The following SLC22A23 variants were observed in gnomAD, a reference collection of about 807,000 sequenced individuals.
SLC22A23 encodes solute carrier family 22 member 23.
SLC22A23 carries 26 observed loss-of-function variants against 61.0 expected under a neutral mutation model. That is an observed-to-expected ratio of 0.43 (90% CI 0.31 to 0.59). The LOEUF (loss-of-function observed/expected upper bound fraction) is 0.59, where lower values mean the gene tolerates loss of function less well. Ranked by LOEUF, SLC22A23 falls within the 20% of genes least tolerant of loss-of-function variation. The pLI is 0.11. For missense variants in SLC22A23, 796 were observed against 934.7 expected, an observed-to-expected ratio of 0.85 and a Z score of 1.94; for synonymous variants, 430 against 413.9, an observed-to-expected ratio of 1.04 and a Z score of -0.47.
At chr6:3,379,020 T>C (rs905564631) in intron 3 of SLC22A23, among the ~76,000 whole-genome samples, 5 of 152,176 alleles carry the variant, frequency 3.3e-5, no homozygotes, top group African/African-American at 7.2e-5. Context: ...AAGTTGCAGG[T>C]CAGGCAAAAC....
chr6:3,391,218 C>T (rs141555855), intron 3 of SLC22A23, among the ~76,000 whole-genome samples: 255 of 152,362 alleles, frequency 1.7e-3, no homozygotes, highest in African/African-American at 6.0e-3. Flanking sequence ...ATGTCCTCAC[C>T]AGCTCATGGA....
rs3813487 is a variant in SLC22A23, at chr6:3,269,830, T to C, written c.*3225A>G. 127,770 of 152,880 alleles carry C rather than the reference T, an allele frequency of 0.84. 53,531 individuals carry two copies. The highest frequency in any genetic ancestry group is 0.86 in the African/African-American group (35,608 of 41,556). The allele number at this position is 152,880 out of a possible 1,614,324, so 9.5% of individuals were successfully genotyped here. On this transcript the variant is annotated 3_prime_UTR_variant, in exon 10 of 10. Coordinates refer to ENST00000406686, the MANE Select transcript of SLC22A23 (RefSeq NM_015482.2). ...CGGTGTGACCTCACAGGCCCACTTA[T>C]GGCACTTGCAGTTTGGGATTGCTCA... is the stretch of plus-strand genomic sequence containing the variant.
chr6:3,362,088 A>T (rs772745594), intron 3 of SLC22A23, among the ~76,000 whole-genome samples: 5 of 150,620 alleles, frequency 3.3e-5, no homozygotes, highest in Non-Finnish European at 7.4e-5. Context: ...GGAAAAATAA[A>T]TTTTTTTTTT....
chr6:3,385,437 G>A (rs1767237477), intron 3 of SLC22A23, among the ~76,000 whole-genome samples: 1 of 152,144 alleles, frequency 6.6e-6, no homozygotes, highest in South Asian at 2.1e-4. Flanking sequence ...AAGTCCTTGA[G>A]TCTGGGAGGC....
At chr6:3,438,346 C>T (rs1005546169) in intron 1 of SLC22A23, 5 of 359,752 alleles carry the variant, frequency 1.4e-5, no homozygotes, top group African/African-American at 6.4e-5. Flanking sequence ...CTTTCGGAGC[C>T]GGCAAAGCCA....
At chr6:3,315,167 C>CAAAA (rs5873876) in intron 4 of SLC22A23, among the ~76,000 whole-genome samples, 4 of 149,410 alleles carry the variant, frequency 2.7e-5, no homozygotes, top group East Asian at 1.9e-4. Flanking sequence ...GGGAAAAGTG[C>CAAAA]AAAAAAAAAA....
rs554128277 is a variant in SLC22A23 at position 3,322,827 on chromosome 6, G to A, written c.1082+1007C>T. Among the ~76,000 whole-genome samples the A allele has an allele frequency of 5.3e-5, 8 of 152,246 alleles. No individual in the cohort carries two copies. The highest frequency in any genetic ancestry group is 1.0e-4 in the Non-Finnish European group (7 of 68,016). On this transcript the variant is annotated intron_variant, in intron 4 of 9. Coordinates refer to ENST00000406686, the MANE Select transcript of SLC22A23 (RefSeq NM_015482.2). The surrounding 1 kb of genome is among the most constrained non-coding windows in gnomAD (Gnocchi z 4.1). The stretch of plus-strand genomic sequence containing the variant: ...AAAGCAAGGACAAGACTGACTGCAC[G>A]GCCAGAAATTTGGTTTTCATTGTTG...
intron 3 of SLC22A23, among the ~76,000 whole-genome samples, chr6:3,376,201 G>A (rs184418893): frequency 4.6e-5 from 7 of 152,214 alleles, no homozygotes; most frequent in Admixed American, 3.3e-4. Flanking sequence ...GTCCATTAGC[G>A]GGAAACCAGA....
At chr6:3,289,286 T>A (rs1004263591) in intron 6 of SLC22A23, among the ~76,000 whole-genome samples, 5 of 152,064 alleles carry the variant, frequency 3.3e-5, no homozygotes, top group African/African-American at 4.8e-5. Context: ...TGGGAGGAGG[T>A]CTGCGCTCAC....
intron 3 of SLC22A23, among the ~76,000 whole-genome samples, chr6:3,408,860 C>G (rs1392504515): frequency 6.6e-6 from 1 of 152,234 alleles, no homozygotes; most frequent in Non-Finnish European, 1.5e-5. Context: ...GGAAGCCTGA[C>G]AAGGACGGCT....
chr6:3,456,339 C>T lies in SLC22A23; in HGVS notation c.221G>A (p.Ser74Asn). The T allele has an allele frequency of 1.3e-6, 2 of 1,549,160 alleles. No homozygotes were observed. The highest frequency in any genetic ancestry group is 1.2e-5 in the South Asian group (1 of 84,040). ...CCCGTCATAGTCCAGCAACAAGAGGCTCGGGGCCGCAGCCGCGGAGCAGCA... is the reference window on the plus strand; with the variant it reads ...CCCGTCATAGTCCAGCAACAAGAGGTTCGGGGCCGCAGCCGCGGAGCAGCA... ...PSCCSAAAAP[S>N]LLLLDYDGSV... The change falls in exon 1 of 10, where the codon AGC becomes AAC. Residue 74 changes from serine to asparagine, a missense_variant. Physicochemically the swap from Ser to Asn is conservative, Grantham distance 46. Coordinates refer to ENST00000406686, the MANE Select transcript of SLC22A23 (RefSeq NM_015482.2). The surrounding 1 kb of genome is among the most constrained non-coding windows in gnomAD (Gnocchi z 7.1).
At chr6:3,434,203 C>T (rs996991760) in intron 1 of SLC22A23, among the ~76,000 whole-genome samples, 5 of 151,864 alleles carry the variant, frequency 3.3e-5, no homozygotes, top group Admixed American at 1.3e-4. Context: ...ATCCCAGCTA[C>T]CTGGGAGGCT....
At chr6:3,310,902 G>A (rs1762332861) in intron 4 of SLC22A23, among the ~76,000 whole-genome samples, 1 of 152,180 alleles carries the variant, frequency 6.6e-6, no homozygotes, top group Non-Finnish European at 1.5e-5. Flanking sequence ...AAGATGAACT[G>A]CCCATGCTTA....
chr6:3,355,422 C>A (rs1765012315), intron 3 of SLC22A23, among the ~76,000 whole-genome samples: 1 of 152,016 alleles, frequency 6.6e-6, no homozygotes, highest in Admixed American at 6.6e-5. Context: ...AACAAAGCAA[C>A]CCTCCCTGGG....
chr6:3,375,319 T>C (rs1766492581), intron 3 of SLC22A23, among the ~76,000 whole-genome samples: 2 of 152,256 alleles, frequency 1.3e-5, no homozygotes, highest in Non-Finnish European at 2.9e-5. Context: ...GCTTATAAAC[T>C]CTGTAGAGTC....
intron 3 of SLC22A23, among the ~76,000 whole-genome samples, chr6:3,405,120 A>G (rs921698299): frequency 2.6e-5 from 4 of 151,924 alleles, no homozygotes; most frequent in Admixed American, 6.6e-5. Flanking sequence ...AATTAGTTGG[A>G]TGTGGTGGTG....
chr6:3,278,365 G>A (rs1759104097), intron 9 of SLC22A23, among the ~76,000 whole-genome samples: 1 of 121,374 alleles, frequency 8.2e-6, no homozygotes, highest in African/African-American at 6.3e-5. Context: ...TGGGCCTGAA[G>A]ACGATATGGA....
At chr6:3,363,218 G>C (rs1013347996) in intron 3 of SLC22A23, among the ~76,000 whole-genome samples, 1 of 152,248 alleles carries the variant, frequency 6.6e-6, no homozygotes, top group Non-Finnish European at 1.5e-5. Flanking sequence ...CTCTACCAAA[G>C]TCAGTTTTCT....
chr6:3,340,860 G>A (rs1381506683), intron 3 of SLC22A23, among the ~76,000 whole-genome samples: 1 of 152,164 alleles, frequency 6.6e-6, no homozygotes. Flanking sequence ...GGCAATATGA[G>A]TTTACAGGAA....
Sources: gnomAD v4.1 joint callset for allele counts (sites outside exome capture counted in the v4.1 genomes callset) on GRCh38, gnomAD v4.1.1 for gene constraint, Gnocchi (gnomAD v3.1) non-coding constraint, MANE v1.5 for transcripts, NCBI Gene and HGNC (gene_info 2026-07-23, HGNC 2026-07-21) for gene names.